Variants in GALNT1 observed in about 807,000 individuals in gnomAD.
GALNT1 encodes the protein polypeptide N-acetylgalactosaminyltransferase 1.
Under a neutral mutation model 65.7 loss-of-function variants are expected in GALNT1, and 17 were observed. That is an observed-to-expected ratio of 0.26 (90% CI 0.18 to 0.39). The LOEUF is 0.39. Among genes scored for constraint, GALNT1 ranks in the 10% least tolerant of loss-of-function variants. The probability of loss-of-function intolerance (pLI) is 1.00; values close to 1 mark genes in which losing one functional copy is unlikely to be tolerated. For missense variants in GALNT1, 460 were observed against 672.8 expected (o/e 0.68, Z 3.50); for synonymous variants, 210 against 219.7 (o/e 0.96, Z 0.39).
chr18:35,681,167 C>T (rs1445761726), intron 4 of GALNT1, among the ~76,000 whole-genome samples: 2 of 152,072 alleles, frequency 1.3e-5, no homozygotes, highest in Non-Finnish European at 1.5e-5. Flanking sequence ...CTCTGACAAC[C>T]TCACACTCTG....
At chr18:35,661,454 T>C (rs950078849) in intron 2 of GALNT1, among the ~76,000 whole-genome samples, 1 of 151,502 alleles carries the variant, frequency 6.6e-6, no homozygotes, top group African/African-American at 2.4e-5. Context: ...GAGCCAAGAT[T>C]GCACCACTGC....
intron 3 of GALNT1, among the ~76,000 whole-genome samples, chr18:35,674,269 T>C (rs1446825445): frequency 6.6e-6 from 1 of 152,160 alleles, no homozygotes; most frequent in African/African-American, 2.4e-5. Context: ...TTTTGCAGAT[T>C]AAGTAATTAC....
intron 6 of GALNT1, 47 bp downstream of exon 6, chr18:35,687,233 G>T: frequency 2.6e-6 from 4 of 1,567,868 alleles, no homozygotes; most frequent in Non-Finnish European, 3.5e-6. Context: ...TTGGCAGAAG[G>T]TTGTGGAGCT....
At chr18:35,670,621 C>T (rs552425955) in intron 3 of GALNT1, among the ~76,000 whole-genome samples, 15 of 152,164 alleles carry the variant, frequency 9.9e-5, no homozygotes, top group Non-Finnish European at 1.8e-4. Flanking sequence ...ACCACGTATA[C>T]ATGTGTAATT....
chr18:35,660,449 T>A (rs2144435197), intron 2 of GALNT1, among the ~76,000 whole-genome samples: 1 of 152,192 alleles, frequency 6.6e-6, no homozygotes, highest in East Asian at 1.9e-4. Flanking sequence ...TAAAATATGT[T>A]TGTTCTCACA....
chr18:35,656,290 T>C (rs2047384432), intron 2 of GALNT1, among the ~76,000 whole-genome samples: 1 of 152,342 alleles, frequency 6.6e-6, no homozygotes, highest in South Asian at 2.1e-4. Context: ...GACTTTTATA[T>C]GTGCTGGGCA....
chr18:35,683,507 T>C lies in GALNT1; in HGVS notation c.598T>C (p.Ser200Pro). ...IRARLKGAAV[S>P]KGQVITFLDA... ...AGCTAGATTAAAAGGAGCTGCTGTG[T>C]CTAAAGGCCAAGTGATCACCTTCCT... The change falls in exon 5 of 12, where the codon TCT becomes CCT. Residue 200 changes from serine (S) to proline (P), a missense_variant. Transcript: ENST00000269195. The C allele has an allele frequency of 6.2e-7, 1 of 1,613,900 alleles. No homozygotes were observed. Among genetic ancestry groups the C allele is most frequent in the Non-Finnish European group, 8.5e-7 (1 of 1,179,856 alleles).
intron 2 of GALNT1, among the ~76,000 whole-genome samples, chr18:35,660,663 G>A (rs991327182): frequency 1.3e-5 from 2 of 152,150 alleles, no homozygotes; most frequent in Non-Finnish European, 2.9e-5. Context: ...AACATGGAAA[G>A]TTTATACTTA....
At chr18:35,683,236 A>C (rs1598804990) in intron 4 of GALNT1, among the ~76,000 whole-genome samples, 155 bp from the exon 5 acceptor site, 2 of 152,204 alleles carry the variant, frequency 1.3e-5, no homozygotes, top group East Asian at 3.8e-4. Context: ...GGGAATATAA[A>C]GGCTTCCTTT....
At chr18:35,699,815 C>G (rs1420260701) in intron 9 of GALNT1, among the ~76,000 whole-genome samples, 1 of 152,144 alleles carries the variant, frequency 6.6e-6, no homozygotes, top group Non-Finnish European at 1.5e-5. Context: ...AACCCAAATA[C>G]CTATTTTCAT....
At chr18:35,694,933 G>A (rs1401314200) in intron 9 of GALNT1, among the ~76,000 whole-genome samples, 2 of 152,158 alleles carry the variant, frequency 1.3e-5, no homozygotes, top group African/African-American at 2.4e-5. Context: ...GAGAAATGCT[G>A]TATGATTCTC....
At chr18:35,680,974 CTAT>C (rs1336339361) in intron 4 of GALNT1, among the ~76,000 whole-genome samples, 1 of 152,058 alleles carries the variant, frequency 6.6e-6, no homozygotes, top group African/African-American at 2.4e-5. Flanking sequence ...TCTGAGAAGA[CTAT>C]TATTTTTTCA....
At chr18:35,702,820 A>C (rs2048186955) in intron 9 of GALNT1, 77 bp from the exon 10 acceptor site, 1 of 854,926 alleles carries the variant, frequency 1.2e-6, no homozygotes, top group Non-Finnish European at 1.8e-6. Context: ...GTTGATATTT[A>C]GTGTATATGT....
intron 1 of GALNT1, among the ~76,000 whole-genome samples, chr18:35,642,401 A>G (rs2047176325): frequency 6.6e-6 from 1 of 152,236 alleles, no homozygotes; most frequent in Non-Finnish European, 1.5e-5. Flanking sequence ...AGTCAAGTAT[A>G]AATAAGGCAT....
intron 1 of GALNT1, among the ~76,000 whole-genome samples, chr18:35,645,337 C>A (rs2047217278): frequency 6.9e-6 from 1 of 144,702 alleles, no homozygotes; most frequent in African/African-American, 2.5e-5. Context: ...TCACACCATT[C>A]TCCTGCCTCA....
intron 11 of GALNT1, 88 bp from the exon 12 acceptor site, chr18:35,709,536 T>G (rs2048322578): frequency 5.6e-6 from 8 of 1,425,774 alleles, no homozygotes; most frequent in South Asian, 5.1e-5. Flanking sequence ...AAAAAACACC[T>G]TTTCTGCAGA....
At chr18:35,643,412 A>C (rs971432401) in intron 1 of GALNT1, among the ~76,000 whole-genome samples, 1 of 152,192 alleles carries the variant, frequency 6.6e-6, no homozygotes, top group Non-Finnish European at 1.5e-5. Context: ...TCCCATAAGG[A>C]CATTTAAGGC....
In GALNT1 at chr18:35,703,405, T is replaced by A. The variant is rs1028016604; in HGVS notation, c.1399-104T>A. Reference sequence around the variant, plus strand: ...TCATTACTTTAATAAAGTACATAAATCATGTACCTTGAAATACTTGTATTT... The same window carrying A: ...TCATTACTTTAATAAAGTACATAAAACATGTACCTTGAAATACTTGTATTT... On this transcript the variant is annotated intron_variant, in intron 10 of 11. Transcript: ENST00000269195. 9.4e-6 allele frequency: 10 copies of A among 1,060,996 alleles called. No homozygotes were observed. The Admixed American group carries it at 2.2e-4, about 24-fold the overall frequency. 65.7% of individuals were successfully genotyped at this position (1,060,996 alleles called of 1,614,324 possible). A position where few individuals can be genotyped will look rare whatever the true frequency, so the allele number is the denominator to read the frequency against.
intron 11 of GALNT1, among the ~76,000 whole-genome samples, chr18:35,704,385 C>T (rs1029906318): frequency 2.4e-4 from 36 of 151,272 alleles, no homozygotes; most frequent in African/African-American, 8.8e-4. Flanking sequence ...TCACAGCTCA[C>T]ACAACCTCCA....
Sources: allele counts gnomAD v4.1 joint callset (sites outside exome capture counted in the v4.1 genomes callset), GRCh38; gene constraint gnomAD v4.1.1; transcripts MANE v1.5; gene names NCBI Gene and HGNC (gene_info 2026-07-23, HGNC 2026-07-21).